The following RALYL variants were observed in gnomAD, a reference collection of about 807,000 sequenced individuals.
RALYL encodes RNA-binding Raly-like protein.
A neutral mutation model predicts 35.1 loss-of-function variants in RALYL; 29 were observed. The ratio of observed to expected loss-of-function variants is 0.83; its 90% CI spans 0.61 to 1.13. The LOEUF is 1.13. Among genes scored for constraint, RALYL ranks in the 50% most tolerant of loss-of-function variants. The probability of loss-of-function intolerance (pLI) is 0.00; values close to 1 mark genes in which losing one functional copy is unlikely to be tolerated. For missense variants in RALYL, 359 were observed against 360.4 expected (o/e 1.00, Z 0.03); for synonymous variants, 120 against 127.6 (o/e 0.94, Z 0.40).
chr8:84,351,618 G>A (rs947300901), intron 1 of RALYL, among the ~76,000 whole-genome samples: 26 of 147,462 alleles, frequency 1.8e-4, no homozygotes, highest in African/African-American at 6.4e-4. Context: ...CTCCCATATT[G>A]TTAATTCGAT....
chr8:84,751,051 T>G (rs1439278493), intron 2 of RALYL, among the ~76,000 whole-genome samples: 1 of 152,116 alleles, frequency 6.6e-6, no homozygotes, highest in Non-Finnish European at 1.5e-5. Context: ...CTGTTAGTCC[T>G]TTATCGGCCA....
chr8:84,779,623 T>C (rs571723040), intron 3 of RALYL, among the ~76,000 whole-genome samples: 10 of 152,320 alleles, frequency 6.6e-5, no homozygotes, highest in South Asian at 6.2e-4. Flanking sequence ...GTCTTTAAGA[T>C]TGTCAGAAGA....
At position 84,364,812 on chromosome 8, in the gene RALYL, A is replaced by G. The variant is rs547539962; in HGVS notation, c.-23-164487A>G. Among the ~76,000 whole-genome samples the G allele has an allele frequency of 9.6e-4, 146 of 152,244 alleles. 1 individual carries two copies. The highest frequency in any genetic ancestry group is 2.6e-3 in the African/African-American group (107 of 41,570). On this transcript the variant is annotated intron_variant, in intron 1 of 8. Coordinates refer to ENST00000521268, the MANE Select transcript of RALYL (RefSeq NM_173848.7). ...ATAATTGTTCAGCTTAAGCTTTTCA[A>G]TTGTTGCTAATGTGTTACATCACAA... is the stretch of plus-strand genomic sequence containing the variant.
chr8:84,560,982 A>G (rs1221056021), intron 2 of RALYL, among the ~76,000 whole-genome samples: 1 of 152,070 alleles, frequency 6.6e-6, no homozygotes, highest in Non-Finnish European at 1.5e-5. Flanking sequence ...TGTTGAATTT[A>G]GGGAACCACT....
At chr8:84,508,123 A>C (rs991213369) in intron 1 of RALYL, among the ~76,000 whole-genome samples, 54 of 152,308 alleles carry the variant, frequency 3.5e-4, no homozygotes, top group African/African-American at 1.2e-3. Context: ...ACAGTATTTC[A>C]AAGAGACTAT....
chr8:84,472,637 T>G (rs1359605756), intron 1 of RALYL, among the ~76,000 whole-genome samples: 1 of 152,128 alleles, frequency 6.6e-6, no homozygotes, highest in Non-Finnish European at 1.5e-5. Context: ...GTGAAGGTTT[T>G]TACTTTATTC....
chr8:84,695,629 A>C (rs1041232186), intron 2 of RALYL, among the ~76,000 whole-genome samples: 6 of 151,872 alleles, frequency 4.0e-5, no homozygotes, highest in Non-Finnish European at 5.9e-5. Flanking sequence ...TATCTTGGAC[A>C]AGTATATACT....
At chr8:84,201,815 C>T (rs759191766) in intron 1 of RALYL, among the ~76,000 whole-genome samples, 1 of 152,086 alleles carries the variant, frequency 6.6e-6, no homozygotes, top group Non-Finnish European at 1.5e-5. Context: ...GATTCTCCCA[C>T]CTCAGCCTCC....
chr8:84,845,199 CT>C (rs1834371650), intron 4 of RALYL, among the ~76,000 whole-genome samples: 1 of 152,150 alleles, frequency 6.6e-6, no homozygotes, highest in Non-Finnish European at 1.5e-5. Flanking sequence ...ATACTGAGAA[CT>C]TTTATTCCAT....
At chr8:84,266,858 G>C (rs1463952098) in intron 1 of RALYL, among the ~76,000 whole-genome samples, 2 of 151,518 alleles carry the variant, frequency 1.3e-5, no homozygotes, top group African/African-American at 2.4e-5. Flanking sequence ...TACTCGGGAG[G>C]CTGAGGCAGG....
intron 1 of RALYL, among the ~76,000 whole-genome samples, chr8:84,337,304 A>C (rs1298766277): frequency 2.6e-5 from 4 of 151,722 alleles, no homozygotes; most frequent in Non-Finnish European, 5.9e-5. Context: ...AGCTCATTCG[A>C]GGAATATAGC....
chr8:84,654,737 C>G (rs965569368), intron 2 of RALYL, among the ~76,000 whole-genome samples: 2 of 152,070 alleles, frequency 1.3e-5, no homozygotes, highest in African/African-American at 4.8e-5. Flanking sequence ...CAAGTTCCAT[C>G]TATGTTGTTG....
intron 1 of RALYL, among the ~76,000 whole-genome samples, chr8:84,526,222 A>G (rs201397822): frequency 6.6e-6 from 1 of 151,990 alleles, no homozygotes; most frequent in Non-Finnish European, 1.5e-5. Flanking sequence ...CCCAAAGTGC[A>G]GGGATTACAG....
intron 1 of RALYL, among the ~76,000 whole-genome samples, chr8:84,309,622 T>C (rs1017662066): frequency 2.0e-5 from 3 of 152,046 alleles, no homozygotes; most frequent in African/African-American, 7.2e-5. Context: ...TATCTTCTAT[T>C]AGTAAAAAAG....
chr8:84,231,339 A>T (rs2131430811), intron 1 of RALYL, among the ~76,000 whole-genome samples: 1 of 152,338 alleles, frequency 6.6e-6, no homozygotes, highest in South Asian at 2.1e-4. Context: ...ATACAGCTAG[A>T]GAAAAAGGCA....
intron 1 of RALYL, among the ~76,000 whole-genome samples, chr8:84,372,891 T>TTTTTTTTTGTTTTG (rs1856112605): frequency 1.7e-5 from 2 of 116,724 alleles, no homozygotes; most frequent in African/African-American, 3.5e-5. Context: ...CATCTGTTTT[T>TTTTTTTTTGTTTTG]TTTTTTTTTT....
chr8:84,862,441 A>G lies in RALYL; in HGVS notation c.559A>G (p.Thr187Ala), dbSNP rs765581194. 6.3e-7 allele frequency: 1 copy of G among 1,598,934 alleles called. No homozygotes were observed. Among genetic ancestry groups the G allele is most frequent in the Admixed American group, 1.8e-5 (1 of 57,052 alleles). ...ATCGAGATCTACTGCCAGTGGGTCA[A>G]CAGGTTCTAAATGTAAGTAATGTCC... ...GGSRSTASGSTGSKLKSDELQ... is the reference protein window; with the variant it reads ...GGSRSTASGSAGSKLKSDELQ... Residue 187 changes from threonine to alanine, a missense_variant, in exon 6 of 9, where the codon ACA becomes GCA. Transcript: ENST00000521268.
intron 1 of RALYL, among the ~76,000 whole-genome samples, chr8:84,397,925 TA>T (rs1407030281): frequency 6.6e-6 from 1 of 152,234 alleles, no homozygotes; most frequent in African/African-American, 2.4e-5. Context: ...TAGAGTTCAT[TA>T]AAACTCCCTT....
At chr8:84,250,659 T>C (rs900931613) in intron 1 of RALYL, among the ~76,000 whole-genome samples, 14 of 152,198 alleles carry the variant, frequency 9.2e-5, no homozygotes, top group African/African-American at 2.9e-4. Context: ...AACACATACA[T>C]GCTGCTGAAT....
Sources: allele counts gnomAD v4.1 joint callset (sites outside exome capture counted in the v4.1 genomes callset), GRCh38; gene constraint gnomAD v4.1.1; transcripts MANE v1.5; gene names NCBI Gene and HGNC (gene_info 2026-07-23, HGNC 2026-07-21).